Variants in XKRX observed in about 807,000 individuals in gnomAD.
The protein encoded by XKRX is XK related X-linked.
In XKRX, 11 loss-of-function variants were observed where a neutral mutation model predicts 22.4. The ratio of observed to expected loss-of-function variants is 0.49; its 90% confidence interval spans 0.31 to 0.81. The LOEUF is 0.81. Among genes scored for constraint, XKRX ranks in the 40% least tolerant of loss-of-function variants. The probability of loss-of-function intolerance (pLI) is 0.05; values close to 1 mark genes in which losing one functional copy is unlikely to be tolerated. For synonymous variants in XKRX, 114 were observed against 132.2 expected (o/e 0.86, Z 0.94); for missense variants, 320 against 336.5 (o/e 0.95, Z 0.38).
At chrX:100,942,534 A>G in the XKRX span, among the ~76,000 whole-genome samples, 1 of 112,068 alleles carries the variant, frequency 8.9e-6, no homozygotes, top group African/African-American at 3.2e-5. Flanking sequence ...AGCAGGGGCC[A>G]TATACTGCCT....
At chrX:100,893,882 A>T in the XKRX span, among the ~76,000 whole-genome samples, 3 of 112,252 alleles carry the variant, frequency 2.7e-5, no homozygotes, top group Non-Finnish European at 5.6e-5. Context: ...TATTTTGGTG[A>T]TGTGTACACT....
the XKRX span, chrX:100,957,257 C>T: frequency 1.0e-6 from 1 of 980,073 alleles, no homozygotes; most frequent in Non-Finnish European, 1.5e-6. Flanking sequence ...GTAGATTTGA[C>T]ATGGAAGTGA....
upstream of XKRX, chrX:100,929,104 TTTG>T (rs1225370271): frequency 1.8e-5 from 2 of 112,504 alleles, no homozygotes; most frequent in Non-Finnish European, 3.7e-5. Flanking sequence ...TCGGAGAAAC[TTTG>T]CTAGTGAGAG....
the XKRX span, among the ~76,000 whole-genome samples, chrX:100,901,239 G>C: frequency 1.3e-3 from 146 of 111,547 alleles, 1 homozygote; most frequent in African/African-American, 4.7e-3. Flanking sequence ...AATAATGGGA[G>C]AAAAAGCCCC....
chrX:100,958,769 C>T, the XKRX span, among the ~76,000 whole-genome samples: 2 of 111,722 alleles, frequency 1.8e-5, no homozygotes, highest in African/African-American at 3.2e-5. Context: ...GGATCTGTTA[C>T]CATCAGGTCA....
In XKRX at chrX:100,919,208, C is replaced by T. The variant is rs761080852; in HGVS notation, c.604+3585G>A. The stretch of plus-strand genomic sequence containing the variant: ...TTTTTCTTTTGCTGTTATTATTTTG[C>T]TTTGTTTTTTGTAGGATGAATTAAA... On this transcript the variant is annotated intron_variant, in intron 2 of 2. Transcript: ENST00000372956. 7.6e-4 allele frequency among the ~76,000 whole-genome samples: 84 copies of T among 111,254 alleles called. 1 individual carries two copies. Among genetic ancestry groups the T allele is most frequent in the Non-Finnish European group, 1.7e-4 (9 of 52,979 alleles).
At chrX:100,888,302 C>T in the XKRX span, 1 of 690,560 alleles carries the variant, frequency 1.4e-6, no homozygotes, top group Non-Finnish European at 2.3e-6. Context: ...GGCACCTGAT[C>T]TTTGATAATC....
Position 100,915,088 on chromosome X carries a change from TAAAAAC to T in XKRX, c.605-11_605-6del, listed in dbSNP as rs57280405. 21,948 of 1,198,322 alleles carry T rather than the reference TAAAAAC, an allele frequency of 0.018. 1,099 individuals carry two copies. In the African/African-American group the frequency reaches 0.21, roughly 11 times the overall value. On this transcript the variant is annotated splice_region_variant and splice_polypyrimidine_tract_variant and intron_variant, in intron 2 of 2. Transcript: ENST00000372956. Reference sequence around the variant, plus strand: ...GGGAAAATACCATTAGCACAACTGTTAAAAACAAAAACAAAAACAAAAACAGGCAAT... The same window carrying T: ...GGGAAAATACCATTAGCACAACTGTTAAAAACAAAAACAAAAACAGGCAAT...
intron 2 of XKRX, among the ~76,000 whole-genome samples, chrX:100,917,686 G>GAAAGAAAGAAAGA (rs2085449707): frequency 2.2e-5 from 2 of 91,971 alleles, no homozygotes; most frequent in African/African-American, 9.2e-5. Context: ...AAGAAAGAAA[G>GAAAGAAAGAAAGA]AAAGAAAGAA....
At chrX:100,902,420 A>G in the XKRX span, among the ~76,000 whole-genome samples, 1 of 112,047 alleles carries the variant, frequency 8.9e-6, no homozygotes, top group Non-Finnish European at 1.9e-5. Context: ...GCATTACCGT[A>G]ATACCAAGTC....
the XKRX span, among the ~76,000 whole-genome samples, chrX:100,891,763 A>AAAAGAAAGAAAGAAAGAAAGAAAGAAAG: frequency 3.4e-5 from 2 of 59,199 alleles, no homozygotes; most frequent in African/African-American, 8.7e-5. Flanking sequence ...AAGAAAGAAG[A>AAAAGAAAGAAAGAAAGAAAGAAAGAAAG]AAAGAAAGAA....
the XKRX span, among the ~76,000 whole-genome samples, chrX:100,942,094 C>T: frequency 1.5e-4 from 17 of 111,088 alleles, no homozygotes; most frequent in South Asian, 3.8e-3. Context: ...GTGATCTACC[C>T]GCCTCGGCCT....
chrX:100,889,402 A>AT, the XKRX span, among the ~76,000 whole-genome samples: 1 of 108,796 alleles, frequency 9.2e-6, no homozygotes, highest in Non-Finnish European at 1.9e-5. Flanking sequence ...TTATTTATTT[A>AT]TTTTTTTAAA....
At chrX:100,930,284 G>A (rs932596285), upstream of XKRX, among the ~76,000 whole-genome samples, 4 of 69,483 alleles carry the variant, frequency 5.8e-5, no homozygotes, top group South Asian at 9.2e-4. Flanking sequence ...GCAAGATTAC[G>A]TCTTAATAAT....
At chrX:100,927,326 T>C (rs1466695011) in intron 1 of XKRX, among the ~76,000 whole-genome samples, 1 of 110,647 alleles carries the variant, frequency 9.0e-6, no homozygotes, top group Non-Finnish European at 1.9e-5. Flanking sequence ...ATTACAGATA[T>C]GCGCCACCAC....
chrX:100,959,219 C>T, the XKRX span, among the ~76,000 whole-genome samples: 2 of 111,490 alleles, frequency 1.8e-5, no homozygotes, highest in East Asian at 2.8e-4. Context: ...TTTAAACTAG[C>T]TTTTAGTTTA....
chrX:100,909,972 G>C (rs1449267830), downstream of XKRX, among the ~76,000 whole-genome samples: 2 of 104,761 alleles, frequency 1.9e-5, no homozygotes, highest in Non-Finnish European at 3.9e-5. Flanking sequence ...GAATATAGTA[G>C]GTGCTCATAA....
chrX:100,957,092 G>C, the XKRX span: 29 of 1,157,818 alleles, frequency 2.5e-5, no homozygotes, highest in Non-Finnish European at 3.1e-5. Flanking sequence ...TTTACCCTGT[G>C]GTGTTCAGTC....
chrX:100,901,081 C>T, the XKRX span, among the ~76,000 whole-genome samples: 1 of 111,507 alleles, frequency 9.0e-6, no homozygotes, highest in Admixed American at 9.6e-5. Context: ...TGAGCCACCG[C>T]ACCTGGCCCA....
Sources: allele counts gnomAD v4.1 joint callset (sites outside exome capture counted in the v4.1 genomes callset), GRCh38; gene constraint gnomAD v4.1.1; transcripts MANE v1.5; gene names NCBI Gene and HGNC (gene_info 2026-07-23, HGNC 2026-07-21).